The following KLHL1 variants were observed in gnomAD, a reference collection of about 807,000 sequenced individuals.
The protein encoded by KLHL1 is kelch like family member 1, also known as kelch-like protein 1.
KLHL1 carries 47 observed loss-of-function variants against 77.7 expected under a neutral mutation model. That is an observed-to-expected ratio of 0.60 (90% CI 0.48 to 0.77). KLHL1 has a LOEUF of 0.77. KLHL1 is among the 30% of genes least tolerant of loss of function. The pLI is 0.00. For synonymous variants in KLHL1, 360 were observed against 325.2 expected (o/e 1.11, Z -1.15); for missense variants, 925 against 910.8 (o/e 1.02, Z -0.20).
intron 1 of KLHL1, among the ~76,000 whole-genome samples, chr13:70,098,170 C>T (rs1016068830): frequency 1.3e-5 from 2 of 151,606 alleles, no homozygotes; most frequent in South Asian, 2.1e-4. Flanking sequence ...TTTAAACTCT[C>T]GAAGTGTTTT....
At chr13:69,993,959 G>A (rs1427479493) in intron 1 of KLHL1, among the ~76,000 whole-genome samples, 2 of 151,944 alleles carry the variant, frequency 1.3e-5, no homozygotes, top group Non-Finnish European at 2.9e-5. Context: ...GCTGATAAAG[G>A]ACAAAGATTT....
chr13:70,062,892 TTCAG>T (rs1175059763), intron 1 of KLHL1, among the ~76,000 whole-genome samples: 2 of 152,178 alleles, frequency 1.3e-5, no homozygotes, highest in African/African-American at 2.4e-5. Flanking sequence ...TATTTGCCTT[TTCAG>T]TCAATTTTTT....
At chr13:69,933,813 G>C (rs1883083829) in intron 4 of KLHL1, among the ~76,000 whole-genome samples, 1 of 151,096 alleles carries the variant, frequency 6.6e-6, no homozygotes, top group Non-Finnish European at 1.5e-5. Flanking sequence ...AAAAATACTT[G>C]AGAAAAAAAA....
intron 2 of KLHL1, among the ~76,000 whole-genome samples, chr13:69,971,972 CA>C (rs1311528953): frequency 6.6e-6 from 1 of 151,852 alleles, no homozygotes; most frequent in African/African-American, 2.4e-5. Context: ...ATCAAGAAAA[CA>C]AAAGTTTTTC....
chr13:69,933,579 T>A (rs914694682), intron 4 of KLHL1, among the ~76,000 whole-genome samples: 9 of 152,128 alleles, frequency 5.9e-5, no homozygotes, highest in Admixed American at 5.2e-4. Context: ...GAAGGATGTA[T>A]AGCATGTTTT....
chr13:69,797,001 A>T (rs1234920741), intron 6 of KLHL1, 39 bp from the exon 7 acceptor site: 1 of 1,523,696 alleles, frequency 6.6e-7, no homozygotes, highest in African/African-American at 1.4e-5. Flanking sequence ...CAATTGCTAT[A>T]AATTCAACAA....
intron 1 of KLHL1, among the ~76,000 whole-genome samples, chr13:70,043,184 A>T (rs1282766847): frequency 2.0e-5 from 3 of 152,112 alleles, no homozygotes; most frequent in East Asian, 3.9e-4. Context: ...GATTACAGAC[A>T]TGAGCCACTG....
chr13:69,914,268 T>A (rs1882343201), intron 4 of KLHL1, among the ~76,000 whole-genome samples: 1 of 152,196 alleles, frequency 6.6e-6, no homozygotes, highest in Non-Finnish European at 1.5e-5. Flanking sequence ...AGAGCACACA[T>A]CTTCACATTA....
At chr13:69,787,824 A>T (rs576549271) in intron 7 of KLHL1, among the ~76,000 whole-genome samples, 3,494 of 151,746 alleles carry the variant, frequency 0.023, 129 homozygotes, top group African/African-American at 0.081. Flanking sequence ...AAAACAAACA[A>T]CCCCATCAAA....
At chr13:69,709,211 G>A (rs567659843) in intron 9 of KLHL1, among the ~76,000 whole-genome samples, 34 of 151,960 alleles carry the variant, frequency 2.2e-4, no homozygotes, top group African/African-American at 7.5e-4. Flanking sequence ...ACAGATAGAT[G>A]CAGACATACA....
chr13:70,088,811 A>G (rs1282237960), intron 1 of KLHL1, among the ~76,000 whole-genome samples: 3 of 152,194 alleles, frequency 2.0e-5, no homozygotes, highest in African/African-American at 7.2e-5. Flanking sequence ...ATATTCATGT[A>G]CATATGAAAA....
chr13:69,719,670 A>G, intron 8 of KLHL1, 89 bp from the exon 9 acceptor site: 2 of 942,556 alleles, frequency 2.1e-6, no homozygotes, highest in Non-Finnish European at 3.2e-6. Flanking sequence ...TTTTCACAGT[A>G]TGAGGCTCAA....
intron 5 of KLHL1, among the ~76,000 whole-genome samples, chr13:69,869,653 T>G (rs1880505449): frequency 1.3e-5 from 2 of 152,174 alleles, no homozygotes; most frequent in Non-Finnish European, 2.9e-5. Flanking sequence ...TCTAGGACAT[T>G]TTTGTTTCAG....
intron 9 of KLHL1, among the ~76,000 whole-genome samples, chr13:69,716,580 G>C (rs1489107865): frequency 2.0e-5 from 3 of 152,106 alleles, no homozygotes; most frequent in Non-Finnish European, 2.9e-5. Flanking sequence ...TGGTATAGAA[G>C]GTTCCTATTA....
rs537000344 is a variant in KLHL1 at position 70,091,311 on chromosome 13, CTT to C, written c.497+15890_497+15891del. Among the ~76,000 whole-genome samples the C allele has an allele frequency of 2.9e-3, 436 of 152,114 alleles. 4 individuals carry two copies. Among genetic ancestry groups the C allele is most frequent in the African/African-American group, 0.01 (416 of 41,540 alleles). ...TTATCTTTCTTCCCTTCCTCCAACT[CTT>C]TTTTCTCTTTCAACTTGTTCCTTCT... On this transcript the variant is annotated intron_variant, in intron 1 of 10. Coordinates refer to ENST00000377844, the MANE Select transcript of KLHL1 (RefSeq NM_020866.3).
At chr13:69,733,487 G>A (rs2137918047) in intron 8 of KLHL1, among the ~76,000 whole-genome samples, 1 of 152,126 alleles carries the variant, frequency 6.6e-6, no homozygotes, top group East Asian at 1.9e-4. Context: ...TTAATTTTCA[G>A]AATACATGAA....
At chr13:69,968,124 C>A (rs979912723) in intron 2 of KLHL1, among the ~76,000 whole-genome samples, 1 of 151,792 alleles carries the variant, frequency 6.6e-6, no homozygotes, top group Non-Finnish European at 1.5e-5. Flanking sequence ...CAGCCTTCTG[C>A]AACCACCACC....
At chr13:69,778,969 T>G (rs899952280) in intron 7 of KLHL1, among the ~76,000 whole-genome samples, 1 of 151,918 alleles carries the variant, frequency 6.6e-6, no homozygotes, top group African/African-American at 2.4e-5. Context: ...CAGATTATTT[T>G]TTGTATTTTT....
intron 5 of KLHL1, among the ~76,000 whole-genome samples, chr13:69,874,900 C>A (rs1880710578): frequency 6.6e-6 from 1 of 151,994 alleles, no homozygotes; most frequent in Non-Finnish European, 1.5e-5. Context: ...GAGCATAAAT[C>A]TTGTCAAGTA....
Sources: gnomAD v4.1 joint callset for allele counts (sites outside exome capture counted in the v4.1 genomes callset) on GRCh38, gnomAD v4.1.1 for gene constraint, MANE v1.5 for transcripts, NCBI Gene and HGNC (gene_info 2026-07-23, HGNC 2026-07-21) for gene names.